The following MDGA2 variants were observed in gnomAD, a reference collection of about 807,000 sequenced individuals.
The protein encoded by MDGA2 is MAM domain containing glycosylphosphatidylinositol anchor 2.
A neutral mutation model predicts 117.8 loss-of-function variants in MDGA2; 40 were observed. The ratio of observed to expected loss-of-function variants is 0.34; its 90% CI spans 0.26 to 0.44. The LOEUF is 0.44. Ranked by LOEUF, MDGA2 falls within the 20% of genes least tolerant of loss-of-function variation. The pLI is 1.00. For synonymous variants in MDGA2, 452 were observed against 439.0 expected, an observed-to-expected ratio of 1.03 and a Z score of -0.37; for missense variants, 1,123 against 1,250.6, an observed-to-expected ratio of 0.90 and a Z score of 1.54.
chr14:47,287,126 A>C (rs1304911850), intron 2 of MDGA2, among the ~76,000 whole-genome samples: 3 of 152,046 alleles, frequency 2.0e-5, no homozygotes, highest in African/African-American at 7.2e-5. Flanking sequence ...TCACAGGGCT[A>C]GAAAGTGGAG....
chr14:47,204,367 T>C (rs969286338), intron 3 of MDGA2, among the ~76,000 whole-genome samples: 1 of 151,984 alleles, frequency 6.6e-6, no homozygotes, highest in Non-Finnish European at 1.5e-5. Flanking sequence ...TATATGTCTT[T>C]CAAGTAAAAT....
At chr14:47,318,483 A>G (rs1889876548) in intron 1 of MDGA2, among the ~76,000 whole-genome samples, 1 of 152,066 alleles carries the variant, frequency 6.6e-6, no homozygotes, top group Non-Finnish European at 1.5e-5. Flanking sequence ...AACAAATCCA[A>G]TCATTCATTT....
chr14:47,402,803 T>C (rs1384066199), intron 1 of MDGA2, among the ~76,000 whole-genome samples: 1 of 152,020 alleles, frequency 6.6e-6, no homozygotes, highest in African/African-American at 2.4e-5. Context: ...CACATTAACA[T>C]TAAAAATGTA....
chr14:47,302,872 T>C (rs1566729339), intron 1 of MDGA2, among the ~76,000 whole-genome samples: 1 of 152,152 alleles, frequency 6.6e-6, no homozygotes, highest in African/African-American at 2.4e-5. Flanking sequence ...AACTGGAAGA[T>C]GGAAAAGACC....
chr14:47,174,561 T>A (rs535004718), intron 3 of MDGA2, among the ~76,000 whole-genome samples: 1 of 151,896 alleles, frequency 6.6e-6, no homozygotes, highest in African/African-American at 2.4e-5. Context: ...GGGTACATAA[T>A]GAAATGAAGG....
At chr14:47,000,456 A>AAT (rs1373458498) in intron 8 of MDGA2, among the ~76,000 whole-genome samples, 1 of 120,196 alleles carries the variant, frequency 8.3e-6, no homozygotes, top group Non-Finnish European at 1.8e-5. Context: ...TATATATATA[A>AAT]ATATATATAT....
At chr14:46,979,019 G>A (rs1886570096) in intron 8 of MDGA2, among the ~76,000 whole-genome samples, 1 of 152,098 alleles carries the variant, frequency 6.6e-6, no homozygotes, top group East Asian at 1.9e-4. Context: ...GAAGATCTGT[G>A]CCAACCCTGC....
intron 1 of MDGA2, among the ~76,000 whole-genome samples, chr14:47,499,291 T>C (rs957122483): frequency 1.3e-5 from 2 of 152,160 alleles, no homozygotes; most frequent in Non-Finnish European, 2.9e-5. Context: ...GAGATATCAA[T>C]ACTCCAGGAT....
chr14:47,214,941 A>G (rs570001549), intron 3 of MDGA2, among the ~76,000 whole-genome samples: 3 of 152,172 alleles, frequency 2.0e-5, no homozygotes, highest in Non-Finnish European at 4.4e-5. Context: ...AAGGGATTCA[A>G]GAATAAATTC....
At chr14:47,312,017 T>C (rs1889651579) in intron 1 of MDGA2, among the ~76,000 whole-genome samples, 1 of 152,124 alleles carries the variant, frequency 6.6e-6, no homozygotes, top group African/African-American at 2.4e-5. Flanking sequence ...ATTGGTGCCA[T>C]GAGAATCTAA....
intron 1 of MDGA2, among the ~76,000 whole-genome samples, chr14:47,472,996 C>T (rs1021869883): frequency 6.6e-6 from 1 of 151,976 alleles, no homozygotes; most frequent in African/African-American, 2.4e-5. Flanking sequence ...GGTTAGAACC[C>T]AGGAGGTTGA....
At chr14:47,158,672 C>G (rs962364521) in intron 3 of MDGA2, among the ~76,000 whole-genome samples, 19 of 152,116 alleles carry the variant, frequency 1.2e-4, no homozygotes, top group African/African-American at 4.1e-4. Context: ...CCAGGCTGGT[C>G]TCAAACTCCT....
intron 3 of MDGA2, among the ~76,000 whole-genome samples, chr14:47,191,718 C>A (rs572790194): frequency 2.0e-5 from 3 of 152,152 alleles, no homozygotes; most frequent in African/African-American, 7.2e-5. Flanking sequence ...ATCGGCTGGC[C>A]AATCTTTGCA....
intron 1 of MDGA2, among the ~76,000 whole-genome samples, chr14:47,638,603 A>G (rs1897365579): frequency 6.6e-6 from 1 of 151,894 alleles, no homozygotes; most frequent in Non-Finnish European, 1.5e-5. Context: ...TTTCTCCCAT[A>G]CCCCTCACCC....
intron 1 of MDGA2, among the ~76,000 whole-genome samples, chr14:47,461,269 A>ATGTGTGTGTGTG (rs55889646): frequency 0.17 from 23,673 of 142,748 alleles, 2,097 homozygotes; most frequent in Non-Finnish European, 0.2. Flanking sequence ...AAAAAAATGT[A>ATGTGTGTGTGTG]TGTGTGTGTG....
chr14:47,117,457 T>G (rs1360885317), intron 5 of MDGA2, among the ~76,000 whole-genome samples: 1 of 152,190 alleles, frequency 6.6e-6, no homozygotes, highest in African/African-American at 2.4e-5. Flanking sequence ...ATTCCTATAT[T>G]CACTGCAGCT....
At chr14:47,003,509 A>G (rs1887603846) in intron 8 of MDGA2, among the ~76,000 whole-genome samples, 1 of 152,090 alleles carries the variant, frequency 6.6e-6, no homozygotes, top group Non-Finnish European at 1.5e-5. Context: ...AGCCATCCTA[A>G]TAAGCGGGTA....
intron 3 of MDGA2, among the ~76,000 whole-genome samples, chr14:47,187,457 C>A (rs1884952137): frequency 6.6e-6 from 1 of 151,950 alleles, no homozygotes; most frequent in Admixed American, 6.6e-5. Flanking sequence ...TAACTTTGAA[C>A]CACTTAAAAA....
At chr14:47,314,134 C>T (rs778009804) in intron 1 of MDGA2, among the ~76,000 whole-genome samples, 3 of 152,156 alleles carry the variant, frequency 2.0e-5, no homozygotes, top group African/African-American at 4.8e-5. Context: ...CTGTGTCACA[C>T]TGGGCAAATG....
Sources: allele counts gnomAD v4.1 joint callset (sites outside exome capture counted in the v4.1 genomes callset), GRCh38; gene constraint gnomAD v4.1.1; transcripts MANE v1.5; gene names NCBI Gene and HGNC (gene_info 2026-07-23, HGNC 2026-07-21).